PTPRS: variants seen among roughly 807,000 people sequenced by gnomAD.
The protein encoded by PTPRS is receptor-type tyrosine-protein phosphatase S.
A neutral mutation model predicts 215.3 loss-of-function variants in PTPRS; 63 were observed. The observed-to-expected ratio is 0.29, with a 90% CI of 0.24 to 0.36. PTPRS has a LOEUF of 0.36. Ranked by LOEUF, PTPRS falls within the 10% of genes least tolerant of loss-of-function variation. The pLI is 1.00. For synonymous variants in PTPRS, 1,404 were observed against 1,191.4 expected (o/e 1.18, Z -3.68); for missense variants, 2,258 against 2,825.8 (o/e 0.80, Z 4.56).
chr19:5,257,965 G>T lies in PTPRS; in HGVS notation c.706+52C>A. The T allele has an allele frequency of 6.7e-7, 1 of 1,487,230 alleles. No individual in the cohort carries two copies. The allele number at this position is 1,487,230 out of a possible 1,614,324, so 92.1% of individuals were successfully genotyped here. On this transcript the variant is annotated intron_variant, in intron 8 of 37. Coordinates refer to ENST00000262963, the MANE Select transcript of PTPRS (RefSeq NM_002850.4). The surrounding 1 kb of genome is among the most constrained non-coding windows in gnomAD (Gnocchi z 4.4). ...GAGGCGGTGAGCCCGAGGAGGGAGG[G>T]GGATGGGACGGGGCGGGTCCCTGCC...
intron 2 of PTPRS, among the ~76,000 whole-genome samples, chr19:5,282,817 G>C (rs893504127): frequency 6.7e-6 from 1 of 150,268 alleles, no homozygotes; most frequent in Non-Finnish European, 1.5e-5. Flanking sequence ...AAAAAAAGAA[G>C]GGACCTGCCT....
In PTPRS at chr19:5,221,397, CTGATCCCAGGCT is replaced by C. The variant is rs747619223; in HGVS notation, c.3202-156_3202-145del. On this transcript the variant is annotated intron_variant, in intron 19 of 37. Coordinates refer to ENST00000262963, the MANE Select transcript of PTPRS (RefSeq NM_002850.4). Reference sequence around the variant, plus strand: ...GCAGAAATCTAACACTGACTGATCCCTGATCCCAGGCTGAGTCCCCAACTCTGACTGAGCCCC... The same window carrying C: ...GCAGAAATCTAACACTGACTGATCCCGAGTCCCCAACTCTGACTGAGCCCC... 5.7e-4 allele frequency: 652 copies of C among 1,134,742 alleles called. 3 individuals carry two copies. Among genetic ancestry groups the C allele is most frequent in the Non-Finnish European group, 7.2e-4 (591 of 822,388 alleles). 70.3% of individuals were successfully genotyped at this position (1,134,742 alleles called of 1,614,324 possible). A position where few individuals can be genotyped will look rare whatever the true frequency, so the allele number is the denominator to read the frequency against.
At chr19:5,227,016 T>A (rs947894261) in intron 16 of PTPRS, among the ~76,000 whole-genome samples, 7 of 152,074 alleles carry the variant, frequency 4.6e-5, no homozygotes, top group African/African-American at 7.2e-5. Flanking sequence ...AAAACAGGAC[T>A]GCCCCCTCCT....
intron 4 of PTPRS, 66 bp from the exon 5 acceptor site, chr19:5,265,262 G>A: frequency 5.5e-6 from 8 of 1,455,512 alleles, no homozygotes; most frequent in Non-Finnish European, 7.5e-6. Context: ...CCTGAGCCTG[G>A]GGCTCAGGGA....
At position 5,271,558 on chromosome 19, in the gene PTPRS, T is replaced by A. The variant is rs540457083; in HGVS notation, c.379+1884A>T. Among the ~76,000 whole-genome samples the A allele has an allele frequency of 3.4e-5, 5 of 146,886 alleles. No homozygotes were observed. The Admixed American group carries it at 3.4e-4, about 10-fold the overall frequency. The stretch of plus-strand genomic sequence containing the variant: ...GGGATTACAGGTGCCCACCATCACG[T>A]TCAGCTAATTTTTGTATTTTTAGTA... On this transcript the variant is annotated intron_variant, in intron 4 of 37. Coordinates refer to ENST00000262963, the MANE Select transcript of PTPRS (RefSeq NM_002850.4).
At chr19:5,281,070 G>A (rs2047808986) in intron 2 of PTPRS, among the ~76,000 whole-genome samples, 1 of 151,958 alleles carries the variant, frequency 6.6e-6, no homozygotes, top group East Asian at 2.0e-4. Context: ...GGGATTACAG[G>A]TATGAGGCGC....
intron 2 of PTPRS, among the ~76,000 whole-genome samples, chr19:5,280,282 G>A (rs1387506993): frequency 6.6e-6 from 1 of 152,148 alleles, no homozygotes; most frequent in African/African-American, 2.4e-5. Flanking sequence ...GGGCCCCAAC[G>A]CCTACCCATC....
intron 1 of PTPRS, among the ~76,000 whole-genome samples, chr19:5,302,700 G>A (rs140336175): frequency 4.6e-5 from 7 of 152,102 alleles, no homozygotes; most frequent in African/African-American, 9.6e-5. Flanking sequence ...CTGGGCTGCC[G>A]GATGCCTCCT....
intron 16 of PTPRS, among the ~76,000 whole-genome samples, chr19:5,227,516 G>A (rs748731381): frequency 6.6e-6 from 1 of 151,536 alleles, no homozygotes; most frequent in Non-Finnish European, 1.5e-5. Flanking sequence ...CCTAGTTCAA[G>A]CAATTCTCCT....
chr19:5,246,758 A>G (rs1224920240), intron 9 of PTPRS, among the ~76,000 whole-genome samples: 1 of 152,160 alleles, frequency 6.6e-6, no homozygotes, highest in Non-Finnish European at 1.5e-5. Context: ...CCAGGAAAAG[A>G]TGAGAAACTC....
rs1408727132 is a variant in PTPRS, at chr19:5,339,741, G to A, written c.-95+923C>T. 2.0e-5 allele frequency among the ~76,000 whole-genome samples: 3 copies of A among 151,910 alleles called. No homozygotes were observed. The highest frequency in any genetic ancestry group is 6.9e-3 in the Middle Eastern group (2 of 290). On this transcript the variant is annotated intron_variant, in intron 1 of 37. Coordinates refer to ENST00000262963, the MANE Select transcript of PTPRS (RefSeq NM_002850.4). The surrounding 1 kb of genome is among the most constrained non-coding windows in gnomAD (Gnocchi z 4.2). Reference sequence around the variant, plus strand: ...CCCAGTGCCGACGGCCCCGCCCCCGGTATGACGTCACCTCCCCTCCCCCCG... The same window carrying A: ...CCCAGTGCCGACGGCCCCGCCCCCGATATGACGTCACCTCCCCTCCCCCCG...
chr19:5,305,186 G>A (rs2049439722), intron 1 of PTPRS, among the ~76,000 whole-genome samples: 1 of 152,190 alleles, frequency 6.6e-6, no homozygotes. Flanking sequence ...GGTGCTCAGT[G>A]AGCACATCAG....
intron 16 of PTPRS, among the ~76,000 whole-genome samples, chr19:5,226,169 G>A (rs2042479737): frequency 6.6e-6 from 1 of 152,172 alleles, no homozygotes; most frequent in South Asian, 2.1e-4. Context: ...TGGAGTCAGG[G>A]TCCGTCCCCG....
chr19:5,222,608 G>A, intron 18 of PTPRS, 81 bp downstream of exon 18: 1 of 1,372,372 alleles, frequency 7.3e-7, no homozygotes, highest in Non-Finnish European at 9.6e-7. Flanking sequence ...ACTTACCTGG[G>A]CAGGGGAGAG....
intron 1 of PTPRS, among the ~76,000 whole-genome samples, chr19:5,303,043 C>T (rs1013020303): frequency 6.6e-6 from 1 of 152,058 alleles, no homozygotes. Flanking sequence ...GCACTCCAGC[C>T]TGGGCGACAG....
At chr19:5,277,063 T>G (rs1386751806) in intron 2 of PTPRS, among the ~76,000 whole-genome samples, 10 of 150,600 alleles carry the variant, frequency 6.6e-5, no homozygotes, top group Non-Finnish European at 1.0e-4. Flanking sequence ...TTGTGTTTTT[T>G]TTTTTTTTTT....
intron 9 of PTPRS, among the ~76,000 whole-genome samples, chr19:5,255,082 G>C (rs1433503339): frequency 6.6e-6 from 1 of 152,214 alleles, no homozygotes; most frequent in Non-Finnish European, 1.5e-5. Flanking sequence ...GGCTTATTTG[G>C]GAGCGCAGGA....
At chr19:5,288,286 G>C (rs138695546) in intron 1 of PTPRS, among the ~76,000 whole-genome samples, 34 of 152,284 alleles carry the variant, frequency 2.2e-4, no homozygotes, top group African/African-American at 7.7e-4. Flanking sequence ...ACAGGTGCAT[G>C]TGCCAGCCAG....
intron 13 of PTPRS, among the ~76,000 whole-genome samples, chr19:5,235,085 C>G (rs565243438): frequency 6.6e-6 from 1 of 151,882 alleles, no homozygotes; most frequent in Non-Finnish European, 1.5e-5. Context: ...GGACTACAGG[C>G]GCCCGCCACC....
Sources: gnomAD v4.1 joint callset for allele counts (sites outside exome capture counted in the v4.1 genomes callset) on GRCh38, gnomAD v4.1.1 for gene constraint, Gnocchi (gnomAD v3.1) non-coding constraint, MANE v1.5 for transcripts, NCBI Gene and HGNC (gene_info 2026-07-23, HGNC 2026-07-21) for gene names.